Variants in TTC28 observed in about 807,000 individuals in gnomAD.
TTC28 encodes tetratricopeptide repeat domain 28.
A neutral mutation model predicts 198.0 loss-of-function variants in TTC28; 61 were observed. That is an observed-to-expected ratio of 0.31 (90% CI 0.25 to 0.38). TTC28 has a LOEUF of 0.38. TTC28 is among the 10% of genes least tolerant of loss of function. TTC28 has a pLI of 1.00. For missense variants in TTC28, 2,678 were observed against 3,164.0 expected (o/e 0.85, Z 3.69); for synonymous variants, 1,171 against 1,297.8 (o/e 0.90, Z 2.10).
At chr22:28,078,197 A>G (rs1466052223) in intron 12 of TTC28, among the ~76,000 whole-genome samples, 2 of 152,202 alleles carry the variant, frequency 1.3e-5, no homozygotes, top group Non-Finnish European at 2.9e-5. Flanking sequence ...TTCGGCAGCA[A>G]GATGCCATTA....
In TTC28 at chr22:28,460,680, T is replaced by C. The variant is rs187725880; in HGVS notation, c.382-154037A>G. ...ATAGATAGATAGACAGACAGACAGATAGATAGGCAGGCAGGCAGATTGAGA... is the reference window on the plus strand; with the variant it reads ...ATAGATAGATAGACAGACAGACAGACAGATAGGCAGGCAGGCAGATTGAGA... On this transcript the variant is annotated intron_variant, in intron 2 of 22. Coordinates refer to ENST00000397906, the MANE Select transcript of TTC28 (RefSeq NM_001145418.2). Among the ~76,000 whole-genome samples the C allele has an allele frequency of 1.9e-3, 261 of 140,096 alleles. 3 individuals are homozygous for C. In the South Asian group the frequency reaches 0.024, roughly 13 times the overall value. The allele number at this position is 140,096 out of a possible 152,430, so 91.9% of individuals were successfully genotyped here. A position where few individuals can be genotyped will look rare whatever the true frequency, so the allele number is the denominator to read the frequency against.
intron 2 of TTC28, among the ~76,000 whole-genome samples, chr22:28,586,228 A>G (rs2050316205): frequency 6.6e-6 from 1 of 151,714 alleles, no homozygotes; most frequent in Admixed American, 6.6e-5. Context: ...GCAGGGAGCC[A>G]AGATTGCACC....
chr22:28,418,051 G>C (rs1233393262), intron 2 of TTC28, among the ~76,000 whole-genome samples: 8 of 152,168 alleles, frequency 5.3e-5, no homozygotes, highest in African/African-American at 1.9e-4. Flanking sequence ...ACCTACAATG[G>C]AGGCAATCTC....
intron 2 of TTC28, among the ~76,000 whole-genome samples, chr22:28,474,624 T>G (rs1418432858): frequency 6.6e-6 from 1 of 152,104 alleles, no homozygotes; most frequent in East Asian, 1.9e-4. Context: ...GGCAGAAAAG[T>G]AGAAGAGTTG....
chr22:28,226,910 T>C (rs1928383957), intron 5 of TTC28, among the ~76,000 whole-genome samples: 1 of 152,016 alleles, frequency 6.6e-6, no homozygotes. Context: ...TATAGGACTA[T>C]TCAGGTCATC....
At chr22:28,394,145 T>A (rs2046777447) in intron 2 of TTC28, among the ~76,000 whole-genome samples, 2 of 152,202 alleles carry the variant, frequency 1.3e-5, no homozygotes, top group African/African-American at 4.8e-5. Context: ...TATGCTGAGC[T>A]GCCTGCCTGG....
Position 27,998,912 on chromosome 22 carries a change from A to G in TTC28, c.4747T>C (p.Leu1583=), listed in dbSNP as rs1459508641. The change falls in exon 16 of 23, where the codon TTG becomes CTG. Residue 1583 remains leucine (L), a synonymous_variant. Transcript: ENST00000397906. The stretch of plus-strand genomic sequence containing the variant: ...TCACTGGCATCGTCCTGCACCCGCA[A>G]GGACTCAGGGATCGTGTAGGGGTGG... ...FGHPYTIPES[L]RVQDDASDGE... 2.6e-6 allele frequency: 4 copies of G among 1,550,584 alleles called. No individual in the cohort carries two copies. The highest frequency in any genetic ancestry group is 2.0e-5 in the Admixed American group (1 of 50,990).
chr22:28,016,504 C>T (rs1221055107), intron 13 of TTC28, among the ~76,000 whole-genome samples: 1 of 152,206 alleles, frequency 6.6e-6, no homozygotes, highest in Non-Finnish European at 1.5e-5. Flanking sequence ...ACTAGGTGCC[C>T]TCTTCCTATG....
intron 5 of TTC28, among the ~76,000 whole-genome samples, chr22:28,286,313 TGTAAAAA>T: frequency 6.6e-6 from 1 of 152,168 alleles, no homozygotes; most frequent in East Asian, 1.9e-4. Flanking sequence ...TCCATAAAAA[TGTAAAAA>T]GTAAAATTAA....
rs572207854 is a variant in TTC28 at position 28,137,877 on chromosome 22, T to C, written c.1441+25215A>G. 2.6e-5 allele frequency among the ~76,000 whole-genome samples: 4 copies of C among 152,070 alleles called. No homozygotes were observed. In the South Asian group the frequency reaches 8.3e-4, roughly 32 times the overall value. On this transcript the variant is annotated intron_variant, in intron 6 of 22. Coordinates refer to ENST00000397906, the MANE Select transcript of TTC28 (RefSeq NM_001145418.2). ...TAAAAATACAAAAATCAGCAGAGCA[T>C]AGTGGTGGGCACCTGTAATCCCAGC...
intron 5 of TTC28, among the ~76,000 whole-genome samples, chr22:28,282,855 A>G (rs1204846593): frequency 6.6e-6 from 1 of 152,228 alleles, no homozygotes; most frequent in Non-Finnish European, 1.5e-5. Flanking sequence ...GTTGGAAAAG[A>G]TGAAACAGCT....
At chr22:28,263,239 A>T (rs1931446046) in intron 5 of TTC28, among the ~76,000 whole-genome samples, 1 of 152,162 alleles carries the variant, frequency 6.6e-6, no homozygotes. Flanking sequence ...AATGTGTTAC[A>T]TTCATTTAAT....
intron 5 of TTC28, among the ~76,000 whole-genome samples, chr22:28,282,966 C>A (rs1179409873): frequency 1.3e-5 from 2 of 152,062 alleles, no homozygotes; most frequent in Non-Finnish European, 2.9e-5. Flanking sequence ...ATTTTATCAG[C>A]AGAAGAAAAA....
chr22:28,083,772 G>A (rs896864672), intron 12 of TTC28, among the ~76,000 whole-genome samples: 2 of 152,164 alleles, frequency 1.3e-5, no homozygotes, highest in Non-Finnish European at 2.9e-5. Flanking sequence ...TCAAAGAAAG[G>A]GGTGACAGAC....
At chr22:28,324,525 CA>C (rs2045496507) in intron 2 of TTC28, among the ~76,000 whole-genome samples, 1 of 152,044 alleles carries the variant, frequency 6.6e-6, no homozygotes, top group Non-Finnish European at 1.5e-5. Flanking sequence ...AGCAGCACAT[CA>C]AAAAGCTTAT....
intron 1 of TTC28, among the ~76,000 whole-genome samples, chr22:28,672,361 T>C (rs1226695129): frequency 6.6e-6 from 1 of 151,950 alleles, no homozygotes; most frequent in Non-Finnish European, 1.5e-5. Context: ...AGAGACAGGG[T>C]TTCATCATAT....
intron 2 of TTC28, among the ~76,000 whole-genome samples, chr22:28,346,188 C>T (rs187077421): frequency 7.9e-4 from 121 of 152,316 alleles, no homozygotes; most frequent in African/African-American, 2.8e-3. Flanking sequence ...TAAGGTAGTT[C>T]ATAAGGTAGT....
intron 2 of TTC28, among the ~76,000 whole-genome samples, chr22:28,354,234 A>C (rs938663252): frequency 1.3e-5 from 2 of 152,232 alleles, no homozygotes; most frequent in African/African-American, 4.8e-5. Flanking sequence ...AACAGTGTTC[A>C]TAATAGCATT....
At chr22:28,166,466 C>A (rs529200674) in intron 5 of TTC28, among the ~76,000 whole-genome samples, 1 of 152,154 alleles carries the variant, frequency 6.6e-6, no homozygotes, top group Non-Finnish European at 1.5e-5. Context: ...CAAATTATAA[C>A]AAACTCTGTC....
Sources: allele counts gnomAD v4.1 joint callset (sites outside exome capture counted in the v4.1 genomes callset), GRCh38; gene constraint gnomAD v4.1.1; transcripts MANE v1.5; gene names NCBI Gene and HGNC (gene_info 2026-07-23, HGNC 2026-07-21).